The following OTUD7A variants were observed in gnomAD, a reference collection of about 807,000 sequenced individuals.
The protein encoded by OTUD7A is OTU domain-containing protein 7A.
A neutral mutation model predicts 65.7 loss-of-function variants in OTUD7A; 12 were observed. The ratio of observed to expected loss-of-function variants is 0.18; its 90% CI spans 0.12 to 0.30. OTUD7A has a LOEUF of 0.30. OTUD7A is among the 10% of genes least tolerant of loss of function. The probability of loss-of-function intolerance (pLI) is 1.00; values close to 1 mark genes in which losing one functional copy is unlikely to be tolerated. For synonymous variants in OTUD7A, 641 were observed against 586.3 expected (o/e 1.09, Z -1.35); for missense variants, 1,148 against 1,304.8 (o/e 0.88, Z 1.85).
At chr15:31,587,514 G>A (rs552122431) in intron 3 of OTUD7A, among the ~76,000 whole-genome samples, 12 of 152,054 alleles carry the variant, frequency 7.9e-5, no homozygotes, top group Admixed American at 2.0e-4. Flanking sequence ...GGTGGCAGGC[G>A]TCTGTAATCC....
chr15:31,502,871 A>G (rs1468032609), intron 9 of OTUD7A, among the ~76,000 whole-genome samples: 1 of 152,248 alleles, frequency 6.6e-6, no homozygotes, highest in East Asian at 1.9e-4. Flanking sequence ...CCCTGGCTAC[A>G]TAACCATCGT....
chr15:31,837,892 T>C (rs1343802248), intron 1 of OTUD7A, among the ~76,000 whole-genome samples: 2 of 152,210 alleles, frequency 1.3e-5, no homozygotes, highest in African/African-American at 4.8e-5. Context: ...TAAGTAACTA[T>C]AGTAATCAAG....
chr15:31,586,339 T>G (rs540868864), intron 3 of OTUD7A, among the ~76,000 whole-genome samples: 2 of 152,342 alleles, frequency 1.3e-5, no homozygotes, highest in South Asian at 4.1e-4. Flanking sequence ...ATAGCTCACA[T>G]ACCTATCAAT....
At chr15:31,524,334 A>C (rs2041980610) in intron 8 of OTUD7A, among the ~76,000 whole-genome samples, 1 of 152,134 alleles carries the variant, frequency 6.6e-6, no homozygotes, top group Non-Finnish European at 1.5e-5. Context: ...TCAAAAGAGG[A>C]GACTTAATGA....
At chr15:31,644,676 G>T (rs975888385) in intron 3 of OTUD7A, among the ~76,000 whole-genome samples, 1 of 152,100 alleles carries the variant, frequency 6.6e-6, no homozygotes, top group African/African-American at 2.4e-5. Context: ...CAGAGGTCTT[G>T]CTATGTTGTT....
chr15:31,517,655 CAGTGG>C (rs2041877329), intron 8 of OTUD7A, among the ~76,000 whole-genome samples: 1 of 152,200 alleles, frequency 6.6e-6, no homozygotes, highest in Non-Finnish European at 1.5e-5. Context: ...TCTGCTTCTC[CAGTGG>C]GTACTTGAGG....
Position 31,508,409 on chromosome 15 carries a change from CG to C in OTUD7A, c.894-4592del, listed in dbSNP as rs1043905828. The stretch of plus-strand genomic sequence containing the variant: ...TGTCACCCAGGCTGGAGTGCAGTGG[CG>C]CCGATCTCCGCTCACTGCAAGCTCC... On this transcript the variant is annotated intron_variant, in intron 8 of 12. Transcript: ENST00000307050. Among the ~76,000 whole-genome samples, 537 of 66,178 alleles carry C rather than the reference CG, an allele frequency of 8.1e-3. 2 individuals are homozygous for C. The highest frequency in any genetic ancestry group is 0.042 in the African/African-American group (477 of 11,430). The allele number at this position is 66,178 out of a possible 152,430, so 43.4% of individuals were successfully genotyped here. A position where few individuals can be genotyped will look rare whatever the true frequency, so the allele number is the denominator to read the frequency against.
rs1023928956 is a variant in OTUD7A at position 31,481,130 on chromosome 15, T to C, written c.*2164A>G. The C allele has an allele frequency of 5.9e-5, 9 of 152,268 alleles. No homozygotes were observed. Among genetic ancestry groups the C allele is most frequent in the African/African-American group, 1.2e-4 (5 of 41,470 alleles). The allele number at this position is 152,268 out of a possible 1,614,324, so 9.4% of individuals were successfully genotyped here. On this transcript the variant is annotated 3_prime_UTR_variant, in exon 13 of 13. Coordinates refer to ENST00000307050, the MANE Select transcript of OTUD7A (RefSeq NM_001382637.1). ...GAGAAAGAAAATATCTGAATTAGCA[T>C]AGCCAGTTTTAGAAATTTCTGGTTG...
Position 31,484,497 on chromosome 15 carries a change from G to T in OTUD7A, c.1599C>A (p.Ile533=). Residue 533 remains isoleucine (I), a synonymous_variant, in exon 13 of 13, where the codon ATC becomes ATA. Coordinates refer to ENST00000307050, the MANE Select transcript of OTUD7A (RefSeq NM_001382637.1). The surrounding 1 kb of genome is among the most constrained non-coding windows in gnomAD (Gnocchi z 4.5). Reference sequence around the variant, plus strand: ...GGCCGCCCATGTTTTTCTTCAGCTTGATGCCCAGCGTCTTGCTGAAGCTGC... The same window carrying T: ...GGCCGCCCATGTTTTTCTTCAGCTTTATGCCCAGCGTCTTGCTGAAGCTGC... ...KLGSFSKTLG[I]KLKKNMGGLG... is the part of the protein sequence containing the mutation. 6.2e-7 allele frequency: 1 copy of T among 1,609,090 alleles called. No individual in the cohort carries two copies.
chr15:31,584,092 G>A (rs748487528), intron 3 of OTUD7A, among the ~76,000 whole-genome samples: 3 of 152,230 alleles, frequency 2.0e-5, no homozygotes, highest in Non-Finnish European at 2.9e-5. Context: ...AGACAGCAGG[G>A]TGGGCTGACC....
intron 1 of OTUD7A, among the ~76,000 whole-genome samples, chr15:31,859,764 AG>A (rs1239618014): frequency 6.6e-6 from 1 of 152,176 alleles, no homozygotes; most frequent in Non-Finnish European, 1.5e-5. Flanking sequence ...GAACCTCTAG[AG>A]GAAGTGCCCA....
At position 31,762,388 on chromosome 15, in the gene OTUD7A, G is replaced by A. The variant is rs182252143; in HGVS notation, c.-99-105311C>T. On this transcript the variant is annotated intron_variant, in intron 1 of 12. Coordinates refer to ENST00000307050, the MANE Select transcript of OTUD7A (RefSeq NM_001382637.1). ...ACACAGATAAAGTCATAAAGTACAAGACAAAGCAGGGACACTAAAGCCCTG... is the reference window on the plus strand; with the variant it reads ...ACACAGATAAAGTCATAAAGTACAAAACAAAGCAGGGACACTAAAGCCCTG... Among the ~76,000 whole-genome samples the A allele has an allele frequency of 4.9e-3, 743 of 152,258 alleles. 5 individuals are homozygous for A. The highest frequency in any genetic ancestry group is 0.017 in the African/African-American group (711 of 41,548).
rs1418728887 is a variant in OTUD7A, at chr15:31,484,138, C to T, written c.1958G>A (p.Arg653Gln). ...IFAGLLLTSH[R>Q]HQFHEEMIGY... ...GATCATCTCCTCGTGGAACTGGTGC[C>T]GGTGGCTGGTGAGCAGCAGGCCGGC... Residue 653 changes from arginine (R) to glutamine (Q), a missense_variant, in exon 13 of 13, where the codon CGG becomes CAG. Transcript: ENST00000307050. This position sits in a 1 kb window ranked among gnomAD's most constrained non-coding sequence, Gnocchi z 4.5. 1.9e-6 allele frequency: 3 copies of T among 1,609,476 alleles called. No individual in the cohort carries two copies. The highest frequency in any genetic ancestry group is 1.1e-5 in the South Asian group (1 of 90,986).
intron 1 of OTUD7A, among the ~76,000 whole-genome samples, chr15:31,773,168 T>TG (rs1286589017): frequency 6.6e-6 from 1 of 152,260 alleles, no homozygotes; most frequent in Admixed American, 6.5e-5. Context: ...AAACTGAAGA[T>TG]GGAGTTTTGT....
chr15:31,566,049 A>G (rs572046301), intron 4 of OTUD7A, among the ~76,000 whole-genome samples: 44 of 152,162 alleles, frequency 2.9e-4, no homozygotes, highest in South Asian at 2.1e-3. Flanking sequence ...AAAATTAGCT[A>G]GGCGTGGTGG....
At chr15:31,502,522 C>T (rs190555962) in intron 9 of OTUD7A, among the ~76,000 whole-genome samples, 10 of 152,240 alleles carry the variant, frequency 6.6e-5, no homozygotes, top group African/African-American at 1.7e-4. Context: ...AATTCAGGGA[C>T]GGTAATTTCA....
At chr15:31,653,124 C>A (rs1325524844) in intron 3 of OTUD7A, among the ~76,000 whole-genome samples, 1 of 151,888 alleles carries the variant, frequency 6.6e-6, no homozygotes, top group Non-Finnish European at 1.5e-5. Flanking sequence ...TGATGCGCGG[C>A]TGTAATCACA....
At chr15:31,723,917 C>T (rs1893815001) in intron 1 of OTUD7A, among the ~76,000 whole-genome samples, 1 of 101,886 alleles carries the variant, frequency 9.8e-6, no homozygotes, top group Non-Finnish European at 2.0e-5. Flanking sequence ...TGCCGTCTCC[C>T]CACACCCTCG....
At chr15:31,865,279 C>T (rs993730216) in intron 1 of OTUD7A, among the ~76,000 whole-genome samples, 3 of 152,184 alleles carry the variant, frequency 2.0e-5, no homozygotes, top group African/African-American at 7.2e-5. Flanking sequence ...GCCCACACTA[C>T]AATAACACAC....
Sources: gnomAD v4.1 joint callset for allele counts (sites outside exome capture counted in the v4.1 genomes callset) on GRCh38, gnomAD v4.1.1 for gene constraint, Gnocchi (gnomAD v3.1) non-coding constraint, MANE v1.5 for transcripts, NCBI Gene and HGNC (gene_info 2026-07-23, HGNC 2026-07-21) for gene names.